The following PPARGC1A variants were observed in gnomAD, a reference collection of about 807,000 sequenced individuals.
PPARGC1A encodes the protein peroxisome proliferator-activated receptor gamma coactivator 1-alpha.
Under a neutral mutation model 88.7 loss-of-function variants are expected in PPARGC1A, and 25 were observed. The observed-to-expected ratio is 0.28, with a 90% CI of 0.21 to 0.39. PPARGC1A has a LOEUF of 0.39. PPARGC1A is among the 10% of genes least tolerant of loss of function. The pLI, the probability that PPARGC1A is intolerant of heterozygous loss-of-function variation, is 1.00. For synonymous variants in PPARGC1A, 363 were observed against 355.6 expected (o/e 1.02, Z -0.24); for missense variants, 880 against 968.7 (o/e 0.91, Z 1.22).
At chr4:24,076,694 G>A in the PPARGC1A span, among the ~76,000 whole-genome samples, 1 of 152,090 alleles carries the variant, frequency 6.6e-6, no homozygotes, top group African/African-American at 2.4e-5. Flanking sequence ...TCATTTCCTT[G>A]TTTGCAAATT....
chr4:23,897,806 C>T (rs1476335363), intron 1 of PPARGC1A, among the ~76,000 whole-genome samples: 2 of 152,192 alleles, frequency 1.3e-5, no homozygotes, highest in Non-Finnish European at 2.9e-5. Context: ...TAGAGACCAG[C>T]ATTTCTTACA....
the PPARGC1A span, among the ~76,000 whole-genome samples, chr4:24,322,598 T>C: frequency 6.6e-6 from 1 of 152,210 alleles, no homozygotes; most frequent in African/African-American, 2.4e-5. Context: ...ACAGACAGTG[T>C]TGTGCTGGAA....
chr4:24,281,000 T>C, the PPARGC1A span, among the ~76,000 whole-genome samples: 2 of 152,212 alleles, frequency 1.3e-5, no homozygotes, highest in South Asian at 2.1e-4. Context: ...GGTAGAAATA[T>C]GCTTTATGAG....
At chr4:24,376,706 C>T in the PPARGC1A span, among the ~76,000 whole-genome samples, 1 of 152,140 alleles carries the variant, frequency 6.6e-6, no homozygotes, top group Non-Finnish European at 1.5e-5. Flanking sequence ...AATACTTATT[C>T]ATTACCTTCA....
the PPARGC1A span, among the ~76,000 whole-genome samples, chr4:24,470,324 A>ACACT: frequency 2.6e-3 from 279 of 107,832 alleles, no homozygotes; most frequent in African/African-American, 6.1e-3. This position sits in a 1 kb window ranked among gnomAD's most constrained non-coding sequence, Gnocchi z 5.8. Context: ...ACACACACAC[A>ACACT]CTCTCTCACA....
chr4:24,291,731 G>T, the PPARGC1A span, among the ~76,000 whole-genome samples: 1 of 152,144 alleles, frequency 6.6e-6, no homozygotes, highest in Non-Finnish European at 1.5e-5. Flanking sequence ...CTGGGGCCCA[G>T]AATGGAGACC....
At chr4:24,437,659 G>T in the PPARGC1A span, among the ~76,000 whole-genome samples, 29 of 150,950 alleles carry the variant, frequency 1.9e-4, no homozygotes, top group African/African-American at 5.6e-4. Context: ...TTTTTTGGGG[G>T]TTTTTTTCTT....
the PPARGC1A span, among the ~76,000 whole-genome samples, chr4:24,112,887 C>T: frequency 1.3e-5 from 2 of 152,154 alleles, no homozygotes; most frequent in Non-Finnish European, 2.9e-5. Flanking sequence ...CTAGATGTGT[C>T]ACTGGCAGCT....
At chr4:24,242,849 C>G in the PPARGC1A span, among the ~76,000 whole-genome samples, 4 of 152,206 alleles carry the variant, frequency 2.6e-5, no homozygotes, top group East Asian at 7.7e-4. Context: ...AGCCCCTCAC[C>G]ATCCCTCCCA....
At chr4:23,802,427 C>T in intron 10 of PPARGC1A, 82 bp from the exon 11 acceptor site, 2 of 1,553,010 alleles carry the variant, frequency 1.3e-6, no homozygotes, top group Non-Finnish European at 1.8e-6. Context: ...CACCTGTAAT[C>T]CCAGCACTTT....
At chr4:24,202,236 C>T in the PPARGC1A span, among the ~76,000 whole-genome samples, 2 of 152,170 alleles carry the variant, frequency 1.3e-5, no homozygotes, top group Non-Finnish European at 2.9e-5. Flanking sequence ...TCTAGTTTCA[C>T]TGCAATTTTT....
chr4:24,369,124 A>C, the PPARGC1A span, among the ~76,000 whole-genome samples: 3 of 152,188 alleles, frequency 2.0e-5, no homozygotes, highest in Non-Finnish European at 4.4e-5. Context: ...ATTTGAGATC[A>C]GCATTACTGG....
At position 23,839,750 on chromosome 4, in the gene PPARGC1A, G is replaced by C. The variant is rs189086134; in HGVS notation, c.235-7999C>G. On this transcript the variant is annotated intron_variant, in intron 2 of 12. Transcript: ENST00000264867. ...GTGGGTGGGAGGCCTTACAATCACC[G>C]TGGAAGGAAAGGGGAACAAGTCACA... Among the ~76,000 whole-genome samples the C allele has an allele frequency of 4.6e-5, 7 of 152,188 alleles. No individual in the cohort carries two copies. In the East Asian group the frequency reaches 1.4e-3, roughly 29 times the overall value.
At chr4:24,454,389 T>C in the PPARGC1A span, among the ~76,000 whole-genome samples, 313 of 152,208 alleles carry the variant, frequency 2.1e-3, 2 homozygotes, top group African/African-American at 6.9e-3. Flanking sequence ...GGGATAAATA[T>C]TGTTTCCTTT....
chr4:24,280,201 C>G, the PPARGC1A span, among the ~76,000 whole-genome samples: 2 of 152,220 alleles, frequency 1.3e-5, no homozygotes, highest in East Asian at 3.8e-4. Flanking sequence ...ATACGGAGAA[C>G]TCACGGAACA....
At chr4:23,954,902 A>G in the PPARGC1A span, among the ~76,000 whole-genome samples, 5 of 152,070 alleles carry the variant, frequency 3.3e-5, no homozygotes, top group Non-Finnish European at 7.4e-5. Context: ...AGGAAATAGC[A>G]ACACGTAAAT....
chr4:24,312,443 C>T, the PPARGC1A span, among the ~76,000 whole-genome samples: 3 of 151,804 alleles, frequency 2.0e-5, no homozygotes. Context: ...GAGAAAGGAT[C>T]CCAGGACTGA....
rs1724997555 is a variant in PPARGC1A, at chr4:23,831,547, G to T, written c.429+10C>A. ...TCCAATTCCTGCTAAACAGTAGGAA[G>T]GGTTCTTACTAGAGACGGCTCTTCT... On this transcript the variant is annotated intron_variant, in intron 3 of 12. Transcript: ENST00000264867. The T allele has an allele frequency of 6.2e-7, 1 of 1,610,356 alleles. No individual in the cohort carries two copies. The highest frequency in any genetic ancestry group is 8.5e-7 in the Non-Finnish European group (1 of 1,177,064).
the PPARGC1A span, among the ~76,000 whole-genome samples, chr4:24,395,359 G>A: frequency 6.6e-6 from 1 of 152,138 alleles, no homozygotes; most frequent in African/African-American, 2.4e-5. Context: ...GTGCCCACAG[G>A]TCTTAGGTTA....
Sources: gnomAD v4.1 joint callset for allele counts (sites outside exome capture counted in the v4.1 genomes callset) on GRCh38, gnomAD v4.1.1 for gene constraint, Gnocchi (gnomAD v3.1) non-coding constraint, MANE v1.5 for transcripts, NCBI Gene and HGNC (gene_info 2026-07-23, HGNC 2026-07-21) for gene names.